SMAD3: variants seen among roughly 807,000 people sequenced by gnomAD.
SMAD3 encodes the protein SMAD family member 3, also known as MAD homolog 3.
A neutral mutation model predicts 51.8 loss-of-function variants in SMAD3; 12 were observed. That is an observed-to-expected ratio of 0.23 (90% CI 0.15 to 0.38). The LOEUF is 0.38. SMAD3 is among the 10% of genes least tolerant of loss of function. The pLI is 1.00. For synonymous variants in SMAD3, 238 were observed against 227.7 expected (o/e 1.05, Z -0.41); for missense variants, 294 against 565.6 (o/e 0.52, Z 4.87).
chr15:67,145,714 T>C (rs922188999), intron 1 of SMAD3, among the ~76,000 whole-genome samples: 1 of 152,324 alleles, frequency 6.6e-6, no homozygotes, highest in Middle Eastern at 3.4e-3. Flanking sequence ...GGCCCCTTTA[T>C]ACCAATGAGG....
chr15:67,186,061 T>C (rs186694510), intron 7 of SMAD3, among the ~76,000 whole-genome samples: 4 of 152,384 alleles, frequency 2.6e-5, no homozygotes, highest in African/African-American at 9.6e-5. Context: ...GTTGACCTCA[T>C]TTAGTCCTCA....
At chr15:67,184,187 G>C (rs1679651191) in intron 6 of SMAD3, among the ~76,000 whole-genome samples, 2 of 148,712 alleles carry the variant, frequency 1.3e-5, no homozygotes. Flanking sequence ...CGGCAGTCTT[G>C]AACCCCTGGG....
intron 1 of SMAD3, among the ~76,000 whole-genome samples, chr15:67,085,883 CACACACACACACACACAT>C (rs1259579574): frequency 8.5e-4 from 94 of 110,454 alleles, no homozygotes; most frequent in Non-Finnish European, 1.2e-3. Flanking sequence ...CACACACACA[CACACACACACACACACAT>C]ACACAGAGAA....
chr15:67,104,306 G>A (rs187964239), intron 1 of SMAD3, among the ~76,000 whole-genome samples: 1 of 152,252 alleles, frequency 6.6e-6, no homozygotes, highest in East Asian at 1.9e-4. Flanking sequence ...ACAGCTATAG[G>A]GTGTCACTGT....
At chr15:67,132,769 A>C (rs368108683) in intron 1 of SMAD3, among the ~76,000 whole-genome samples, 35 of 152,266 alleles carry the variant, frequency 2.3e-4, no homozygotes, top group African/African-American at 7.7e-4. Flanking sequence ...AGCCTGCTTA[A>C]ATGGATGACA....
intron 1 of SMAD3, among the ~76,000 whole-genome samples, chr15:67,069,905 C>T (rs1353119822): frequency 6.6e-6 from 1 of 152,068 alleles, no homozygotes; most frequent in Non-Finnish European, 1.5e-5. Flanking sequence ...GGGGTTTCAC[C>T]ATGTTGGTCA....
chr15:67,113,425 A>T (rs1206302900), intron 1 of SMAD3, among the ~76,000 whole-genome samples: 1 of 152,174 alleles, frequency 6.6e-6, no homozygotes, highest in Admixed American at 6.5e-5. Flanking sequence ...ATTGTTCAAA[A>T]AAAGAATCTG....
chr15:67,074,860 T>A (rs757307616), intron 1 of SMAD3, among the ~76,000 whole-genome samples: 4 of 152,162 alleles, frequency 2.6e-5, no homozygotes, highest in Non-Finnish European at 5.9e-5. Flanking sequence ...CAGCTAATTT[T>A]TGTATTTTTA....
intron 1 of SMAD3, among the ~76,000 whole-genome samples, chr15:67,136,824 G>T (rs1400095683): frequency 1.3e-5 from 2 of 152,194 alleles, no homozygotes; most frequent in African/African-American, 4.8e-5. Context: ...CCCCCCAAGG[G>T]CAGAGGATGG....
chr15:67,126,160 CT>C (rs1264555650), intron 1 of SMAD3, among the ~76,000 whole-genome samples: 1 of 152,118 alleles, frequency 6.6e-6, no homozygotes, highest in Non-Finnish European at 1.5e-5. Context: ...CACAGCTCAC[CT>C]TCGTTCAGCC....
intron 4 of SMAD3, among the ~76,000 whole-genome samples, chr15:67,169,622 A>ATTTTTT (rs11333560): frequency 1.6e-5 from 2 of 127,908 alleles, no homozygotes; most frequent in Admixed American, 7.8e-5. Flanking sequence ...CTTACGGCTT[A>ATTTTTT]TTTTTTTTTT....
At chr15:67,128,089 A>G (rs757796610) in intron 1 of SMAD3, 7 of 152,192 alleles carry the variant, frequency 4.6e-5, no homozygotes, top group Non-Finnish European at 8.8e-5. Context: ...AAATGTGACT[A>G]ACTCTGAGCT....
chr15:67,088,298 G>A (rs551545954), intron 1 of SMAD3, among the ~76,000 whole-genome samples: 42 of 152,260 alleles, frequency 2.8e-4, no homozygotes, highest in African/African-American at 9.6e-4. Context: ...CACTGTTCTT[G>A]TCTTAGCTTT....
intron 1 of SMAD3, among the ~76,000 whole-genome samples, chr15:67,075,727 C>CAAT (rs1002734157): frequency 6.6e-6 from 1 of 152,110 alleles, no homozygotes; most frequent in African/African-American, 2.4e-5. Flanking sequence ...CCAGCCTGAC[C>CAAT]AATATGGTGA....
intron 1 of SMAD3, chr15:67,138,350 C>A (rs910868943): frequency 1.3e-5 from 6 of 469,754 alleles, no homozygotes; most frequent in East Asian, 3.6e-5. Flanking sequence ...CTGAACCCCC[C>A]CTCCCCCGGC....
chr15:67,160,964 G>A (rs994841453), intron 1 of SMAD3, among the ~76,000 whole-genome samples: 22 of 151,550 alleles, frequency 1.5e-4, no homozygotes, highest in Non-Finnish European at 3.1e-4. Flanking sequence ...ATCTTGATGC[G>A]GTCTGATTTT....
Position 67,102,657 on chromosome 15 carries a change from G to A in SMAD3, c.206+36297G>A, listed in dbSNP as rs187970840. Among the ~76,000 whole-genome samples, 98 of 152,270 alleles carry A rather than the reference G, an allele frequency of 6.4e-4. 1 individual carries two copies. Among genetic ancestry groups the A allele is most frequent in the Admixed American group, 1.4e-3 (22 of 15,302 alleles). ...GTATGATGGGGAATTCTGTTAAACA[G>A]GTAGAATTCTGAACCTCTTGGTGGT... On this transcript the variant is annotated intron_variant, in intron 1 of 8. Transcript: ENST00000327367.
chr15:67,149,896 C>T (rs1238145923), intron 1 of SMAD3, among the ~76,000 whole-genome samples: 3 of 152,184 alleles, frequency 2.0e-5, no homozygotes, highest in Admixed American at 2.0e-4. Context: ...GTAAAGGTAC[C>T]TCTTTACCTC....
chr15:67,095,560 T>G (rs1365266691), intron 1 of SMAD3, among the ~76,000 whole-genome samples: 2 of 152,104 alleles, frequency 1.3e-5, no homozygotes, highest in Non-Finnish European at 2.9e-5. Context: ...CCTTTTTTTT[T>G]TTGTTATTGT....
Sources: gnomAD v4.1 joint callset for allele counts (sites outside exome capture counted in the v4.1 genomes callset) on GRCh38, gnomAD v4.1.1 for gene constraint, MANE v1.5 for transcripts, NCBI Gene and HGNC (gene_info 2026-07-23, HGNC 2026-07-21) for gene names.